ANXA8: variants seen among roughly 807,000 people sequenced by gnomAD.
ANXA8 encodes the protein VAC-beta.
Under a neutral mutation model 26.8 loss-of-function variants are expected in ANXA8, and 9 were observed. The ratio of observed to expected loss-of-function variants is 0.34; its 90% CI spans 0.20 to 0.59. The LOEUF is 0.59. ANXA8 is among the 20% of genes least tolerant of loss of function. ANXA8 has a pLI of 0.84. For missense variants in ANXA8, 83 were observed against 238.5 expected, an observed-to-expected ratio of 0.35 and a Z score of 4.29; for synonymous variants, 39 against 94.8, an observed-to-expected ratio of 0.41 and a Z score of 3.42.
At chr10:47,681,781 C>T in the ANXA8 span, among the ~76,000 whole-genome samples, 1 of 124,256 alleles carries the variant, frequency 8.0e-6, no homozygotes, top group Non-Finnish European at 1.7e-5. Flanking sequence ...AGCAACCTGT[C>T]TGCCTCAGCC....
the ANXA8 span, among the ~76,000 whole-genome samples, chr10:47,883,464 C>T: frequency 2.3e-4 from 3 of 12,902 alleles, no homozygotes; most frequent in East Asian, 1.9e-3. Flanking sequence ...TTGCTCTTGT[C>T]GCCCAGCTGA....
the ANXA8 span, among the ~76,000 whole-genome samples, chr10:47,940,634 C>T: frequency 6.8e-6 from 1 of 147,764 alleles, no homozygotes; most frequent in Non-Finnish European, 1.5e-5. Context: ...TCAAGACCTG[C>T]CTGGCCAACA....
At chr10:47,744,413 G>GGGGGGGGTTGGGGGGAGAGGGGGGAA in the ANXA8 span, among the ~76,000 whole-genome samples, 1 of 3,978 alleles carries the variant, frequency 2.5e-4, no homozygotes, top group Non-Finnish European at 4.7e-4. Flanking sequence ...GCTCCTGGTG[G>GGGGGGGGTTGGGGGGAGAGGGGGGAA]GGGGGGGGTT....
At chr10:47,748,491 G>A in the ANXA8 span, among the ~76,000 whole-genome samples, 1 of 152,104 alleles carries the variant, frequency 6.6e-6, no homozygotes, top group Non-Finnish European at 1.5e-5. Context: ...GGGATTATAG[G>A]CGTGAGCCAC....
the ANXA8 span, among the ~76,000 whole-genome samples, chr10:47,718,255 G>A: frequency 6.7e-6 from 1 of 149,234 alleles, no homozygotes; most frequent in African/African-American, 2.5e-5. Context: ...TGGATCACTT[G>A]AGCCCAGGAG....
the ANXA8 span, among the ~76,000 whole-genome samples, chr10:47,526,760 A>G: frequency 1.9e-4 from 28 of 144,422 alleles, 1 homozygote; most frequent in South Asian, 4.6e-4. Context: ...CAATTAAGAG[A>G]CTTTCTCTAA....
At chr10:47,967,288 G>A in the ANXA8 span, among the ~76,000 whole-genome samples, 1 of 151,146 alleles carries the variant, frequency 6.6e-6, no homozygotes, top group Admixed American at 6.6e-5. Flanking sequence ...AGCATGTATA[G>A]GCACCCTTAT....
At chr10:47,648,272 T>C in the ANXA8 span, among the ~76,000 whole-genome samples, 1 of 151,776 alleles carries the variant, frequency 6.6e-6, no homozygotes, top group African/African-American at 2.4e-5. Context: ...TGAAGGAACT[T>C]GGAAAACGTA....
the ANXA8 span, among the ~76,000 whole-genome samples, chr10:47,665,780 C>T: frequency 5.9e-5 from 9 of 151,368 alleles, no homozygotes; most frequent in African/African-American, 2.0e-4. Flanking sequence ...TTAAATTGCC[C>T]TTTGTTTATT....
At chr10:47,956,861 G>A in the ANXA8 span, among the ~76,000 whole-genome samples, 9 of 150,164 alleles carry the variant, frequency 6.0e-5, no homozygotes, top group East Asian at 2.1e-4. Context: ...GCTCTGCTTC[G>A]AGTATAGCCT....
the ANXA8 span, chr10:47,543,526 T>C: frequency 3.1e-6 from 1 of 326,876 alleles, no homozygotes; most frequent in Non-Finnish European, 5.0e-6. Flanking sequence ...TAGTATGTTC[T>C]ACAACAAGAG....
At chr10:47,482,184 T>G (rs1839846490) in intron 1 of ANXA8, among the ~76,000 whole-genome samples, 1 of 134,112 alleles carries the variant, frequency 7.5e-6, no homozygotes, top group Admixed American at 7.3e-5. Flanking sequence ...GCTCAGCTGT[T>G]GCAGGTGGGG....
At chr10:47,485,791 C>T (rs1840030043), upstream of ANXA8, among the ~76,000 whole-genome samples, 1 of 151,928 alleles carries the variant, frequency 6.6e-6, no homozygotes, top group African/African-American at 2.4e-5. Context: ...ACTATCAACA[C>T]TTAGGCCTGA....
At chr10:47,580,748 CAAAACAAAAAAAA>C in the ANXA8 span, among the ~76,000 whole-genome samples, 1 of 61,048 alleles carries the variant, frequency 1.6e-5, no homozygotes, top group Non-Finnish European at 4.1e-5. Flanking sequence ...TCTCAAAAAA[CAAAACAAAAAAAA>C]AAAACAAAAA....
the ANXA8 span, among the ~76,000 whole-genome samples, chr10:47,498,363 T>C: frequency 2.8e-5 from 4 of 144,766 alleles, no homozygotes; most frequent in East Asian, 2.7e-4. Flanking sequence ...GAACATTTTA[T>C]TGTATGTATA....
the ANXA8 span, among the ~76,000 whole-genome samples, chr10:47,777,769 T>C: frequency 1.6e-4 from 24 of 151,998 alleles, no homozygotes; most frequent in Admixed American, 1.4e-3. Context: ...GATGTATCCC[T>C]CTTAGGGCTA....
the ANXA8 span, among the ~76,000 whole-genome samples, chr10:47,573,396 G>T: frequency 1.3e-5 from 2 of 148,658 alleles, no homozygotes; most frequent in Non-Finnish European, 3.0e-5. Context: ...CTCCCAAAGT[G>T]CTGGGATTAC....
At position 47,473,984 on chromosome 10, in the gene ANXA8, G is replaced by A; in HGVS notation, c.728C>T (p.Ala243Val). The change falls in exon 9 of 12, where the codon GCC (alanine) becomes GTC (valine). Residue 243 changes from alanine (A) to valine (V), a missense_variant. Transcript: ENST00000585281. The stretch of plus-strand genomic sequence containing the variant: ...TGAGCTCTTACCCACAGTGAGCATG[G>A]CCTCCTCCAGTGAGCCATGGGTCTC... ...KSETHGSLEE[A>V]MLTVVKCTQN... is the part of the protein sequence containing the mutation. 4 of 521,010 alleles carry A rather than the reference G, an allele frequency of 7.7e-6. No homozygotes were observed. The South Asian group carries it at 8.4e-5, about 11-fold the overall frequency. The allele number at this position is 521,010 out of a possible 1,614,324, so 32.3% of individuals were successfully genotyped here.
At chr10:47,495,300 T>TA in the ANXA8 span, among the ~76,000 whole-genome samples, 1 of 135,592 alleles carries the variant, frequency 7.4e-6, no homozygotes, top group Non-Finnish European at 1.6e-5. Context: ...TTATTATTAT[T>TA]TTGAGATGGA....
Sources: gnomAD v4.1 joint callset for allele counts (sites outside exome capture counted in the v4.1 genomes callset) on GRCh38, gnomAD v4.1.1 for gene constraint, MANE v1.5 for transcripts, NCBI Gene and HGNC (gene_info 2026-07-23, HGNC 2026-07-21) for gene names.